The following ESPN variants were observed in gnomAD, a reference collection of about 807,000 sequenced individuals.
ESPN encodes the protein autosomal recessive deafness type 36 protein.
A neutral mutation model predicts 77.7 loss-of-function variants in ESPN; 68 were observed. The observed-to-expected ratio is 0.87, with a 90% CI of 0.72 to 1.07. The LOEUF is 1.07. Among genes scored for constraint, ESPN ranks in the 50% least tolerant of loss-of-function variants. The pLI is 0.00. For missense variants in ESPN, 1,060 were observed against 1,239.0 expected, an observed-to-expected ratio of 0.86 and a Z score of 2.17; for synonymous variants, 449 against 567.1, an observed-to-expected ratio of 0.79 and a Z score of 2.96.
At chr1:6,431,910 C>G (rs9435254) in intron 2 of ESPN, among the ~76,000 whole-genome samples, 4 of 152,182 alleles carry the variant, frequency 2.6e-5, no homozygotes, top group Non-Finnish European at 5.9e-5. Context: ...TTCCCTGCCT[C>G]GTGGAGCTGA....
At chr1:6,426,486 T>C (rs945598013) in intron 1 of ESPN, among the ~76,000 whole-genome samples, 1 of 137,672 alleles carries the variant, frequency 7.3e-6, no homozygotes, top group Non-Finnish European at 1.6e-5. Context: ...GGAGAAAGTG[T>C]GGGGGGGATG....
At chr1:6,430,997 G>T (rs1557694911) in intron 2 of ESPN, among the ~76,000 whole-genome samples, 1 of 152,186 alleles carries the variant, frequency 6.6e-6, no homozygotes, top group Non-Finnish European at 1.5e-5. Context: ...CCCAAGGCCG[G>T]TGGCCATCCT....
At chr1:6,455,101 C>T (rs1334358927) in intron 10 of ESPN, 4 of 385,598 alleles carry the variant, frequency 1.0e-5, no homozygotes, top group South Asian at 1.3e-4. Context: ...TCTGGCCAGC[C>T]CAGCGCCGCC....
At chr1:6,441,105 C>G (rs1293381156) in intron 5 of ESPN, 40 bp downstream of exon 5, 17 of 1,596,640 alleles carry the variant, frequency 1.1e-5, no homozygotes, top group Non-Finnish European at 1.4e-5. Context: ...TCTTTCTTCT[C>G]GCCCCTCCAC....
rs775575981 is a variant in ESPN at position 6,445,768 on chromosome 1, C to G, written c.1297C>G (p.Pro433Ala). Residue 433 changes from proline (P) to alanine (A), a missense_variant, in exon 7 of 13, where the codon CCC becomes GCC. Pro to Ala is a conservative substitution (Grantham distance 27). This residue lies in a region of ESPN where 556 missense variants were observed against 633.6 expected (regional missense o/e 0.88). Coordinates refer to ENST00000645284, the MANE Select transcript of ESPN (RefSeq NM_031475.3). Reference protein sequence around the residue: ...GTIGKPTPPPPPPSFPPPPPP... With the variant: ...GTIGKPTPPPAPPSFPPPPPP... ...GATTGGGAAGCCCACACCCCCACCA[C>G]CCCCACCCAGCTTCCCCCCGCCACC... 4 of 1,498,710 alleles carry G rather than the reference C, an allele frequency of 2.7e-6. No homozygotes were observed. The highest frequency in any genetic ancestry group is 2.7e-6 in the Non-Finnish European group (3 of 1,103,968). 92.8% of individuals were successfully genotyped at this position (1,498,710 alleles called of 1,614,324 possible). A position where few individuals can be genotyped will look rare whatever the true frequency, so the allele number is the denominator to read the frequency against.
intron 10 of ESPN, 135 bp downstream of exon 10, chr1:6,452,231 G>GCAAGAC: frequency 1.8e-6 from 2 of 1,101,608 alleles, no homozygotes; most frequent in Non-Finnish European, 2.5e-6. Context: ...TTGAGACAGA[G>GCAAGAC]TCTTGCTCTG....
chr1:6,435,926 G>A (rs1201174305), intron 2 of ESPN, among the ~76,000 whole-genome samples: 1 of 152,242 alleles, frequency 6.6e-6, no homozygotes, highest in Non-Finnish European at 1.5e-5. Context: ...CCCATTTCAT[G>A]GATGGGTTTG....
chr1:6,452,185 G>C, intron 10 of ESPN, 89 bp downstream of exon 10: 3 of 1,373,178 alleles, frequency 2.2e-6, no homozygotes, highest in Non-Finnish European at 2.9e-6. Context: ...CCAACCTCGG[G>C]ACCTCCCATT....
intron 10 of ESPN, 56 bp from the exon 11 acceptor site, chr1:6,457,128 G>A: frequency 6.6e-7 from 1 of 1,525,028 alleles, no homozygotes; most frequent in South Asian, 1.2e-5. Context: ...CGAGGTTGAG[G>A]GTGCCCCCTA....
At chr1:6,446,652 T>G (rs1643850533) in intron 7 of ESPN, among the ~76,000 whole-genome samples, 1 of 152,052 alleles carries the variant, frequency 6.6e-6, no homozygotes, top group African/African-American at 2.4e-5. Flanking sequence ...GTCTGAGCAA[T>G]TCCGGGTATC....
chr1:6,445,217 G>A lies in ESPN; in HGVS notation c.1193-447G>A, dbSNP rs570198592. Among the ~76,000 whole-genome samples, 78 of 152,326 alleles carry A rather than the reference G, an allele frequency of 5.1e-4. 1 individual carries two copies. The South Asian group carries it at 0.015, about 29-fold the overall frequency. ...ACATACACAAATGCACGATCGCCTC[G>A]GCAGACTGCAGGCTTGTGTGTACAC... On this transcript the variant is annotated intron_variant, in intron 6 of 12. Transcript: ENST00000645284.
Position 6,460,442 on chromosome 1 carries a change from G to C in ESPN, c.*296G>C. The C allele has an allele frequency of 2.9e-6, 1 of 346,940 alleles. No individual in the cohort carries two copies. The highest frequency in any genetic ancestry group is 5.4e-6 in the Non-Finnish European group (1 of 185,752). The allele number at this position is 346,940 out of a possible 1,614,324, so 21.5% of individuals were successfully genotyped here. ...TTGCATGTTCGTTGACTATCAAAGA[G>C]TGCAGAGCTCTCCCCAGCCCCGTGG... On this transcript the variant is annotated 3_prime_UTR_variant, in exon 13 of 13. Coordinates refer to ENST00000645284, the MANE Select transcript of ESPN (RefSeq NM_031475.3).
intron 12 of ESPN, among the ~76,000 whole-genome samples, chr1:6,458,212 T>C (rs1230878251): frequency 1.3e-5 from 2 of 151,924 alleles, no homozygotes; most frequent in African/African-American, 4.8e-5. Context: ...GAGATGGGGT[T>C]TCACCATGTT....
At chr1:6,453,696 G>A (rs561947707) in intron 10 of ESPN, among the ~76,000 whole-genome samples, 16 of 152,314 alleles carry the variant, frequency 1.1e-4, no homozygotes, top group African/African-American at 3.4e-4. Context: ...AGCCGGGTGC[G>A]GGGAGTGTTA....
At chr1:6,430,574 G>A (rs1643205846) in intron 2 of ESPN, among the ~76,000 whole-genome samples, 2 of 152,198 alleles carry the variant, frequency 1.3e-5, no homozygotes, top group Non-Finnish European at 2.9e-5. Flanking sequence ...GCTGCCACGC[G>A]GGACCCTCCC....
At chr1:6,454,982 G>A in intron 10 of ESPN, 1 of 379,082 alleles carries the variant, frequency 2.6e-6, no homozygotes, top group Admixed American at 4.6e-5. Context: ...CCTACGAGCT[G>A]CGCGCACGGG....
intron 1 of ESPN, 107 bp downstream of exon 1, chr1:6,425,356 GC>G: frequency 7.3e-7 from 1 of 1,366,364 alleles, no homozygotes; most frequent in Non-Finnish European, 1.0e-6. Flanking sequence ...GCACCTCCTG[GC>G]CCAGCTGAAC....
In ESPN at chr1:6,451,848, C is replaced by T. The variant is rs1456381382; in HGVS notation, c.2077C>T (p.Pro693Ser). The T allele has an allele frequency of 1.2e-6, 2 of 1,611,628 alleles. No homozygotes were observed. Among genetic ancestry groups the T allele is most frequent in the Admixed American group, 1.7e-5 (1 of 59,862 alleles). The part of the protein sequence containing the change: ...QPAFQPDSPL[P>S]SVSPALSPVR... ...CTCCCTGCAGCCCGATTCGCCGCTG[C>T]CTTCTGTGTCACCTGCACTGTCACC... The change falls in exon 10 of 13, where the codon CCT (proline) becomes TCT (serine). Residue 693 changes from proline to serine, a missense_variant. Pro to Ser is a moderately conservative substitution (Grantham distance 74). This residue lies in a region of ESPN where 374 missense variants were observed against 381.4 expected (regional missense o/e 0.98). Transcript: ENST00000645284. This position sits in a 1 kb window ranked among gnomAD's most constrained non-coding sequence, Gnocchi z 4.3.
chr1:6,453,811 C>A (rs915822350), intron 10 of ESPN, among the ~76,000 whole-genome samples: 1 of 152,150 alleles, frequency 6.6e-6, no homozygotes, highest in African/African-American at 2.4e-5. Flanking sequence ...AGGGGGAAAA[C>A]TGGACATCAG....
Sources: gnomAD v4.1 joint callset for allele counts (sites outside exome capture counted in the v4.1 genomes callset) on GRCh38, gnomAD v4.1.1 for gene constraint, gnomAD v4.1.1 regional missense constraint, Gnocchi (gnomAD v3.1) non-coding constraint, MANE v1.5 for transcripts, NCBI Gene and HGNC (gene_info 2026-07-23, HGNC 2026-07-21) for gene names.